The following GCNT4 variants were observed in gnomAD, a reference collection of about 807,000 sequenced individuals.
The protein encoded by GCNT4 is beta-1,3-galactosyl-O-glycosyl-glycoprotein beta-1,6-N-acetylglucosaminyltransferase 4.
In GCNT4, 17 loss-of-function variants were observed where a neutral mutation model predicts 31.3. That is an observed-to-expected ratio of 0.54 (90% CI 0.37 to 0.81). The LOEUF is 0.81. Ranked by LOEUF, GCNT4 falls within the 40% of genes least tolerant of loss-of-function variation. The probability of loss-of-function intolerance (pLI) is 0.00; values close to 1 mark genes in which losing one functional copy is unlikely to be tolerated. For missense variants in GCNT4, 503 were observed against 525.5 expected, an observed-to-expected ratio of 0.96 and a Z score of 0.42; for synonymous variants, 158 against 190.6, an observed-to-expected ratio of 0.83 and a Z score of 1.41.
chr5:75,053,901 A>G (rs992835361), upstream of GCNT4, among the ~76,000 whole-genome samples: 4 of 152,300 alleles, frequency 2.6e-5, no homozygotes, highest in South Asian at 2.1e-4. Flanking sequence ...AGGAGAGCTA[A>G]GTAACTTGCC....
intron 3 of GCNT4, among the ~76,000 whole-genome samples, chr5:75,038,300 C>A (rs1362035315): frequency 6.6e-6 from 1 of 152,102 alleles, no homozygotes; most frequent in Admixed American, 6.5e-5. Context: ...AATTAATAAA[C>A]CCACAGTTCC....
At chr5:75,045,810 AC>A (rs1157695718) in intron 3 of GCNT4, among the ~76,000 whole-genome samples, 1 of 152,244 alleles carries the variant, frequency 6.6e-6, no homozygotes, top group East Asian at 1.9e-4. Flanking sequence ...AGAGAAATAA[AC>A]AGTGAGGTCC....
At position 75,028,646 on chromosome 5, in the gene GCNT4, C is replaced by G. The variant is rs1167666224; in HGVS notation, c.*30G>C. On this transcript the variant is annotated 3_prime_UTR_variant, in exon 4 of 4. Coordinates refer to ENST00000652361, the MANE Select transcript of GCNT4 (RefSeq NM_001366737.1). The stretch of plus-strand genomic sequence containing the variant: ...TTCCACACTGACTCCATTTATCAGG[C>G]ACCCTCTTATTTCCATCCTGATTTT... 1 of 1,575,786 alleles carries G rather than the reference C, an allele frequency of 6.3e-7. No individual in the cohort carries two copies.
the GCNT4 span, among the ~76,000 whole-genome samples, chr5:75,018,912 G>T: frequency 6.6e-6 from 1 of 152,136 alleles, no homozygotes; most frequent in Non-Finnish European, 1.5e-5. Context: ...TGCAGAGGGA[G>T]GATGACGAGA....
At chr5:75,020,331 C>G in the GCNT4 span, among the ~76,000 whole-genome samples, 1 of 152,172 alleles carries the variant, frequency 6.6e-6, no homozygotes, top group Admixed American at 6.5e-5. Flanking sequence ...GAGAGTAATG[C>G]TGGGGACCCC....
chr5:75,036,010 AT>A (rs1447073371), intron 3 of GCNT4, among the ~76,000 whole-genome samples: 2 of 152,206 alleles, frequency 1.3e-5, no homozygotes, highest in East Asian at 3.8e-4. Context: ...CAGAGGATTC[AT>A]TCCAGGGCCC....
chr5:75,038,394 G>A (rs766250337), intron 3 of GCNT4, among the ~76,000 whole-genome samples: 1 of 152,170 alleles, frequency 6.6e-6, no homozygotes, highest in Non-Finnish European at 1.5e-5. Context: ...AATGTGTCTA[G>A]CCATCATTTA....
intron 3 of GCNT4, among the ~76,000 whole-genome samples, chr5:75,034,273 G>A (rs1743148862): frequency 6.6e-6 from 1 of 152,190 alleles, no homozygotes; most frequent in Non-Finnish European, 1.5e-5. Context: ...ACACCCTTGG[G>A]ACCCTCCCAT....
At chr5:75,032,306 T>C (rs1167408026) in intron 3 of GCNT4, among the ~76,000 whole-genome samples, 12 of 152,118 alleles carry the variant, frequency 7.9e-5, no homozygotes, top group Non-Finnish European at 1.5e-4. Flanking sequence ...AGCCTTCACC[T>C]CTTGCCCAAG....
intron 3 of GCNT4, among the ~76,000 whole-genome samples, chr5:75,036,745 G>A (rs1743209068): frequency 6.6e-6 from 1 of 152,044 alleles, no homozygotes; most frequent in South Asian, 2.1e-4. Flanking sequence ...TAATGAAGAG[G>A]TTAGTCAGTC....
chr5:75,032,405 G>A (rs1181903139), intron 3 of GCNT4, among the ~76,000 whole-genome samples: 2 of 152,068 alleles, frequency 1.3e-5, no homozygotes, highest in South Asian at 2.1e-4. Context: ...AACTGAACTC[G>A]ACATCATCAC....
intron 3 of GCNT4, among the ~76,000 whole-genome samples, chr5:75,045,145 A>G (rs1743409066): frequency 6.6e-6 from 1 of 152,216 alleles, no homozygotes; most frequent in Non-Finnish European, 1.5e-5. Context: ...TATACATAAC[A>G]TTTACCACTT....
chr5:75,033,747 C>T (rs1448470784), intron 3 of GCNT4, among the ~76,000 whole-genome samples: 2 of 151,938 alleles, frequency 1.3e-5, no homozygotes, highest in Non-Finnish European at 1.5e-5. Context: ...TATACACGTG[C>T]CATGGTGGTT....
chr5:75,040,450 G>A (rs1743294104), intron 3 of GCNT4, among the ~76,000 whole-genome samples: 1 of 152,194 alleles, frequency 6.6e-6, no homozygotes, highest in Admixed American at 6.5e-5. Flanking sequence ...CTGGTACGGG[G>A]TAGTTGCTCA....
At chr5:75,032,194 C>G (rs890968119) in intron 3 of GCNT4, among the ~76,000 whole-genome samples, 1 of 152,128 alleles carries the variant, frequency 6.6e-6, no homozygotes, top group African/African-American at 2.4e-5. Context: ...CTGCCCCAGG[C>G]TCCTATCCTC....
At position 75,029,763 on chromosome 5, in the gene GCNT4, C is replaced by T. The variant is rs759212254; in HGVS notation, c.275G>A (p.Arg92Lys). 1.2e-6 allele frequency: 2 copies of T among 1,614,158 alleles called. No individual in the cohort carries two copies. The highest frequency in any genetic ancestry group is 3.3e-5 in the Admixed American group (2 of 60,024). Residue 92 changes from arginine to lysine, a missense_variant, in exon 4 of 4, where the codon AGA becomes AAA. By Grantham distance (26) the Arg-to-Lys change is conservative. Transcript: ENST00000652361. ...LEIGKSLEIR[R>K]RDIIDLEDDD... Reference sequence around the variant, plus strand: ...ATCCTCCAAGTCAATGATGTCCCTTCTTCTTATTTCCAGACTCTTTCCAAT... The same window carrying T: ...ATCCTCCAAGTCAATGATGTCCCTTTTTCTTATTTCCAGACTCTTTCCAAT...
intron 3 of GCNT4, among the ~76,000 whole-genome samples, chr5:75,043,948 G>A (rs1743379891): frequency 6.6e-6 from 1 of 152,154 alleles, no homozygotes; most frequent in African/African-American, 2.4e-5. Context: ...GCAGATGGAG[G>A]CTTTAGGTAA....
intron 3 of GCNT4, among the ~76,000 whole-genome samples, chr5:75,036,186 C>T (rs1471691919): frequency 6.6e-6 from 1 of 151,990 alleles, no homozygotes; most frequent in Non-Finnish European, 1.5e-5. Context: ...TAATTGGACC[C>T]CCTGAAGTTC....
chr5:75,023,358 A>G (rs1278726574), downstream of GCNT4, among the ~76,000 whole-genome samples: 1 of 152,236 alleles, frequency 6.6e-6, no homozygotes, highest in African/African-American at 2.4e-5. Flanking sequence ...CATCCTGCAC[A>G]GTTTCTGAGA....
Sources: allele counts gnomAD v4.1 joint callset (sites outside exome capture counted in the v4.1 genomes callset), GRCh38; gene constraint gnomAD v4.1.1; transcripts MANE v1.5; gene names NCBI Gene and HGNC (gene_info 2026-07-23, HGNC 2026-07-21).